The following NEO1 variants were observed in gnomAD, a reference collection of about 807,000 sequenced individuals.
NEO1 encodes the protein neogenin.
In NEO1, 63 loss-of-function variants were observed where a neutral mutation model predicts 159.7. That is an observed-to-expected ratio of 0.39 (90% CI 0.32 to 0.49). The LOEUF (loss-of-function observed/expected upper bound fraction) is 0.49, where lower values mean the gene tolerates loss of function less well. Among genes scored for constraint, NEO1 ranks in the 20% least tolerant of loss-of-function variants. NEO1 has a pLI of 0.85. For synonymous variants in NEO1, 633 were observed against 662.0 expected (o/e 0.96, Z 0.67); for missense variants, 1,615 against 1,831.0 (o/e 0.88, Z 2.15).
intron 8 of NEO1, among the ~76,000 whole-genome samples, chr15:73,240,160 G>T (rs1202514705): frequency 6.6e-6 from 1 of 152,172 alleles, no homozygotes; most frequent in Non-Finnish European, 1.5e-5. Context: ...GCCACAGTCA[G>T]CTCTCAGGGC....
intron 1 of NEO1, among the ~76,000 whole-genome samples, chr15:73,088,608 C>G (rs78954292): frequency 0.031 from 4,704 of 151,968 alleles, 113 homozygotes; most frequent in African/African-American, 0.067. Context: ...AAATAGGAGG[C>G]AAGGCTATCT....
intron 23 of NEO1, among the ~76,000 whole-genome samples, chr15:73,284,539 C>A (rs1191235453): frequency 6.9e-6 from 1 of 145,688 alleles, no homozygotes; most frequent in Non-Finnish European, 1.5e-5. Flanking sequence ...ATGGAGGCTT[C>A]TTTTATAATC....
chr15:73,282,698 G>C (rs118167166), intron 22 of NEO1, among the ~76,000 whole-genome samples: 5,030 of 152,292 alleles, frequency 0.033, 128 homozygotes, highest in Non-Finnish European at 0.042. Context: ...GAAAGCTCTT[G>C]AATGTTCAGT....
intron 5 of NEO1, among the ~76,000 whole-genome samples, chr15:73,159,177 ATAAAC>A (rs1567342192): frequency 1.3e-5 from 2 of 152,254 alleles, no homozygotes; most frequent in African/African-American, 4.8e-5. Flanking sequence ...AGAAAGCACA[ATAAAC>A]TAGTTTTTCA....
chr15:73,291,725 AT>A (rs2042172183), intron 25 of NEO1, among the ~76,000 whole-genome samples: 1 of 152,130 alleles, frequency 6.6e-6, no homozygotes, highest in African/African-American at 2.4e-5. Context: ...ACAGCTGCTG[AT>A]TTCCTACTAT....
At chr15:73,107,082 G>A (rs548071887) in intron 1 of NEO1, among the ~76,000 whole-genome samples, 2 of 152,132 alleles carry the variant, frequency 1.3e-5, no homozygotes, top group South Asian at 2.1e-4. Context: ...AAGCATTCTC[G>A]CCCCTTGTTA....
chr15:73,126,557 C>T lies in NEO1; in HGVS notation c.865C>T (p.Leu289Phe), dbSNP rs2030277437. The T allele has an allele frequency of 6.2e-7, 1 of 1,613,032 alleles. No individual in the cohort carries two copies. Among genetic ancestry groups the T allele is most frequent in the Non-Finnish European group, 8.5e-7 (1 of 1,179,620 alleles). The change falls in exon 4 of 29, where the codon CTT becomes TTT. Residue 289 changes from leucine to phenylalanine, a missense_variant. Physicochemically the swap from Leu to Phe is conservative, Grantham distance 22. Coordinates refer to ENST00000261908, the MANE Select transcript of NEO1 (RefSeq NM_002499.4). The stretch of plus-strand genomic sequence containing the variant: ...TAAATGGATGAAAAATGAGGAGGCA[C>T]TTGACACAGAAAGGTAAGTGTTGTC... ...TIKWMKNEEA[L>F]DTESSERLVL...
At chr15:73,273,309 T>C (rs8027588) in intron 19 of NEO1, among the ~76,000 whole-genome samples, 64,723 of 152,036 alleles carry the variant, frequency 0.43, 15,264 homozygotes, top group Non-Finnish European at 0.53. Context: ...AAATGGAAAG[T>C]GTTTCTTAGC....
chr15:73,156,634 A>G (rs1242339933), intron 5 of NEO1, among the ~76,000 whole-genome samples: 1 of 152,218 alleles, frequency 6.6e-6, no homozygotes, highest in Non-Finnish European at 1.5e-5. Context: ...CCAGGCCAGT[A>G]GGTGGCACTT....
intron 7 of NEO1, among the ~76,000 whole-genome samples, chr15:73,224,238 T>C (rs2038448920): frequency 6.6e-6 from 1 of 152,222 alleles, no homozygotes; most frequent in South Asian, 2.1e-4. Context: ...TAAGATTCTT[T>C]CCTTAGTCTT....
At chr15:73,088,067 G>A (rs1387107683) in intron 1 of NEO1, among the ~76,000 whole-genome samples, 3 of 151,740 alleles carry the variant, frequency 2.0e-5, no homozygotes, top group Non-Finnish European at 4.4e-5. Context: ...GTATATATAC[G>A]TTTTTACTCT....
chr15:73,099,127 T>A (rs2070254666), intron 1 of NEO1, among the ~76,000 whole-genome samples: 1 of 152,114 alleles, frequency 6.6e-6, no homozygotes, highest in Non-Finnish European at 1.5e-5. Context: ...TGCTTTTGGT[T>A]TATATATATA....
rs145162988 is a variant in NEO1 at position 73,100,361 on chromosome 15, A to C, written c.131-16179A>C. ...ATCTTTTTTTTTTTTTTGAGATGGA[A>C]TCTCACTCTGTTGCCCAGGCTGGAG... On this transcript the variant is annotated intron_variant, in intron 1 of 28. Coordinates refer to ENST00000261908, the MANE Select transcript of NEO1 (RefSeq NM_002499.4). Among the ~76,000 whole-genome samples, 161 of 150,300 alleles carry C rather than the reference A, an allele frequency of 1.1e-3. 1 individual carries two copies. The highest frequency in any genetic ancestry group is 3.7e-3 in the African/African-American group (150 of 40,828).
At chr15:73,112,954 GTAGT>G (rs1411081236) in intron 1 of NEO1, among the ~76,000 whole-genome samples, 1 of 152,042 alleles carries the variant, frequency 6.6e-6, no homozygotes, top group African/African-American at 2.4e-5. Context: ...CATTTATTGA[GTAGT>G]TAGTTCATCC....
chr15:73,293,208 T>A lies in NEO1; in HGVS notation c.3743-182T>A, dbSNP rs189860905. Among the ~76,000 whole-genome samples the A allele has an allele frequency of 4.6e-5, 7 of 152,346 alleles. No individual in the cohort carries two copies. The East Asian group carries it at 1.4e-3, about 29-fold the overall frequency. ...ACATATGCAAAAGAGTATCTTCATTTTTAAAAAACAACGTAAAAATCAATG... is the reference window on the plus strand; with the variant it reads ...ACATATGCAAAAGAGTATCTTCATTATTAAAAAACAACGTAAAAATCAATG... On this transcript the variant is annotated intron_variant, in intron 25 of 28. Transcript: ENST00000261908.
intron 8 of NEO1, among the ~76,000 whole-genome samples, chr15:73,243,728 A>C (rs959720751): frequency 6.6e-6 from 1 of 152,230 alleles, no homozygotes; most frequent in Non-Finnish European, 1.5e-5. Context: ...AAGTTTGTCA[A>C]ACATTTCATA....
chr15:73,156,778 C>T (rs2033810196), intron 5 of NEO1, among the ~76,000 whole-genome samples: 1 of 152,184 alleles, frequency 6.6e-6, no homozygotes, highest in Admixed American at 6.5e-5. Flanking sequence ...TCCCCCTAAC[C>T]TCCACTTCCC....
At chr15:73,063,867 A>G (rs942535221) in intron 1 of NEO1, among the ~76,000 whole-genome samples, 6 of 152,168 alleles carry the variant, frequency 3.9e-5, no homozygotes, top group African/African-American at 7.2e-5. Context: ...GTTCCAATTT[A>G]ATGAAAATTA....
intron 7 of NEO1, among the ~76,000 whole-genome samples, chr15:73,201,526 T>G (rs1331427678): frequency 6.6e-6 from 1 of 152,164 alleles, no homozygotes; most frequent in Admixed American, 6.5e-5. Flanking sequence ...AAGAATAATG[T>G]GCGTTTTGTC....
Sources: gnomAD v4.1 joint callset for allele counts (sites outside exome capture counted in the v4.1 genomes callset) on GRCh38, gnomAD v4.1.1 for gene constraint, MANE v1.5 for transcripts, NCBI Gene and HGNC (gene_info 2026-07-23, HGNC 2026-07-21) for gene names.